The following LY6S variants were observed in gnomAD, a reference collection of about 807,000 sequenced individuals.
LY6S encodes lymphocyte antigen 6 family member S.
At chr8:143,053,926 T>C in the LY6S span, 1 of 152,176 alleles carries the variant, frequency 6.6e-6, no homozygotes, top group African/African-American at 2.4e-5. Flanking sequence ...GGACGTCTGG[T>C]TTCTGCTGGG....
the LY6S span, chr8:143,042,990 T>C: frequency 1.0e-5 from 14 of 1,367,184 alleles, no homozygotes; most frequent in African/African-American, 1.5e-5. Flanking sequence ...GCCACATCCT[T>C]CCCCTGATCT....
At chr8:143,044,579 A>T in the LY6S span, 2 of 958,772 alleles carry the variant, frequency 2.1e-6, no homozygotes, top group African/African-American at 3.9e-5. Context: ...CGGCCCCCAA[A>T]GTGCTGAGGG....
the LY6S span, among the ~76,000 whole-genome samples, chr8:143,061,501 T>TTGG: frequency 6.7e-5 from 10 of 148,878 alleles, no homozygotes; most frequent in African/African-American, 2.6e-4. Flanking sequence ...GGTTTGTTTG[T>TTGG]TTGGTTGGTT....
the LY6S span, among the ~76,000 whole-genome samples, chr8:143,046,754 C>T: frequency 3.3e-5 from 5 of 152,042 alleles, no homozygotes; most frequent in Admixed American, 6.6e-5. Context: ...CCTCTAATAC[C>T]TTTGGGAGAC....
chr8:143,070,476 A>T, the LY6S span, among the ~76,000 whole-genome samples: 539 of 76,258 alleles, frequency 7.1e-3, 5 homozygotes, highest in African/African-American at 0.02. Context: ...TATATATATA[A>T]ATATATATAT....
chr8:143,067,562 G>A, the LY6S span, among the ~76,000 whole-genome samples: 5 of 152,218 alleles, frequency 3.3e-5, no homozygotes, highest in African/African-American at 1.2e-4. Context: ...TATAGAGAAA[G>A]AACAGTGGGC....
At chr8:143,068,126 C>T in the LY6S span, among the ~76,000 whole-genome samples, 7 of 152,226 alleles carry the variant, frequency 4.6e-5, no homozygotes, top group Admixed American at 6.5e-5. Flanking sequence ...TTGGTCAATA[C>T]GCAGGCTTTC....
the LY6S span, among the ~76,000 whole-genome samples, chr8:143,071,288 C>T: frequency 0.22 from 33,365 of 151,964 alleles, 5,215 homozygotes; most frequent in African/African-American, 0.43. Flanking sequence ...CAAACGTTCT[C>T]CTGGCAGCTG....
At chr8:143,061,894 A>C in the LY6S span, among the ~76,000 whole-genome samples, 1 of 152,232 alleles carries the variant, frequency 6.6e-6, no homozygotes, top group Non-Finnish European at 1.5e-5. Flanking sequence ...GCGGACAAAA[A>C]TTAGAATACA....
At chr8:143,075,984 G>A in the LY6S span, among the ~76,000 whole-genome samples, 3 of 152,154 alleles carry the variant, frequency 2.0e-5, no homozygotes, top group African/African-American at 4.8e-5. This position sits in a 1 kb window ranked among gnomAD's most constrained non-coding sequence, Gnocchi z 4.1. Context: ...AAATGTGTCA[G>A]TTTGAAAATG....
the LY6S span, among the ~76,000 whole-genome samples, chr8:143,052,553 G>C: frequency 0.03 from 4,580 of 152,258 alleles, 199 homozygotes; most frequent in East Asian, 0.15. Context: ...AATACCTTTT[G>C]GTTTTGTAGA....
the LY6S span, among the ~76,000 whole-genome samples, chr8:143,043,777 G>A: frequency 4.2e-3 from 647 of 152,308 alleles, 5 homozygotes; most frequent in African/African-American, 0.015. Context: ...CTGGGTTCAA[G>A]CGATTCTCCT....
chr8:143,070,251 A>G, the LY6S span, among the ~76,000 whole-genome samples: 3 of 150,316 alleles, frequency 2.0e-5, no homozygotes, highest in African/African-American at 7.4e-5. Context: ...CTCTTTAAGG[A>G]CCCTATTTTC....
At chr8:143,048,884 A>G in the LY6S span, among the ~76,000 whole-genome samples, 10,272 of 152,170 alleles carry the variant, frequency 0.068, 1,180 homozygotes, top group African/African-American at 0.23. Context: ...AAAGATGCTC[A>G]GTCATGTATC....
chr8:143,046,713 A>T, the LY6S span, among the ~76,000 whole-genome samples: 1 of 152,088 alleles, frequency 6.6e-6, no homozygotes, highest in Non-Finnish European at 1.5e-5. Context: ...CATAGTTTAG[A>T]GTAAGGATGG....
chr8:143,054,516 CA>C, the LY6S span, among the ~76,000 whole-genome samples: 2 of 152,114 alleles, frequency 1.3e-5, no homozygotes, highest in African/African-American at 4.8e-5. Context: ...CTGCTTTTAC[CA>C]CTATAATGAA....
At chr8:143,071,804 G>T in the LY6S span, among the ~76,000 whole-genome samples, 1 of 152,114 alleles carries the variant, frequency 6.6e-6, no homozygotes, top group Non-Finnish European at 1.5e-5. Flanking sequence ...CAGGAAAGGA[G>T]GGTCTCCACT....
At chr8:143,070,400 T>TATAAATATATATATATTTATATATATA in the LY6S span, among the ~76,000 whole-genome samples, 1 of 131,384 alleles carries the variant, frequency 7.6e-6, no homozygotes, top group Non-Finnish European at 1.5e-5. Flanking sequence ...TTTATATATA[T>TATAAATATATATATATTTATATATATA]TTTTTATTTA....
At chr8:143,043,209 G>T in the LY6S span, 1 of 1,367,508 alleles carries the variant, frequency 7.3e-7, no homozygotes, top group Middle Eastern at 2.1e-4. Flanking sequence ...CAGGACCACC[G>T]CATTGCAGAG....
Sources: gnomAD v4.1 joint callset for allele counts (sites outside exome capture counted in the v4.1 genomes callset) on GRCh38, gnomAD v4.1.1 for gene constraint, Gnocchi (gnomAD v3.1) non-coding constraint, MANE v1.5 for transcripts, NCBI Gene and HGNC (gene_info 2026-07-23, HGNC 2026-07-21) for gene names.